The following GPC5 variants were observed in gnomAD, a reference collection of about 807,000 sequenced individuals.
The protein encoded by GPC5 is glypican 5.
A neutral mutation model predicts 53.9 loss-of-function variants in GPC5; 47 were observed. The observed-to-expected ratio is 0.87, with a 90% CI of 0.69 to 1.11. The LOEUF (loss-of-function observed/expected upper bound fraction) is 1.11, where lower values mean the gene tolerates loss of function less well. Ranked by LOEUF, GPC5 falls within the 50% of genes most tolerant of loss-of-function variation. The pLI, the probability that GPC5 is intolerant of heterozygous loss-of-function variation, is 0.00. For missense variants in GPC5, 748 were observed against 713.1 expected (o/e 1.05, Z -0.56); for synonymous variants, 286 against 263.3 (o/e 1.09, Z -0.84).
chr13:92,027,330 C>G (rs2040808753), intron 6 of GPC5, among the ~76,000 whole-genome samples: 1 of 152,062 alleles, frequency 6.6e-6, no homozygotes, highest in African/African-American at 2.4e-5. Context: ...TTGATAGGTT[C>G]TTGGAAACTG....
chr13:91,403,977 C>T (rs1386104017), intron 1 of GPC5, among the ~76,000 whole-genome samples: 7 of 152,126 alleles, frequency 4.6e-5, no homozygotes, highest in African/African-American at 1.7e-4. Flanking sequence ...TTCCATTTTG[C>T]CGAGTGTCCA....
chr13:92,056,811 T>G (rs754331092), intron 6 of GPC5, among the ~76,000 whole-genome samples: 64 of 152,206 alleles, frequency 4.2e-4, no homozygotes, highest in Non-Finnish European at 8.4e-4. Context: ...TGCTACATTA[T>G]TTTTCTGAAA....
intron 2 of GPC5, among the ~76,000 whole-genome samples, chr13:91,636,273 C>A (rs1162838892): frequency 6.6e-6 from 1 of 152,062 alleles, no homozygotes; most frequent in African/African-American, 2.4e-5. Context: ...CCTTTAGCAT[C>A]ATGACTGTGT....
In GPC5 at chr13:91,594,986, AT is replaced by A. The variant is rs1247846461; in HGVS notation, c.326-98198del. ...TGCCCAGGCTTATTTTTTTATTTAC[AT>A]TTATTTATTTATTTATTTATTTATT... On this transcript the variant is annotated intron_variant, in intron 2 of 7. Coordinates refer to ENST00000377067, the MANE Select transcript of GPC5 (RefSeq NM_004466.6). 0.014 allele frequency among the ~76,000 whole-genome samples: 27 copies of A among 1,940 alleles called. No homozygotes were observed. The South Asian group carries it at 0.28, about 20-fold the overall frequency. 1.3% of individuals were successfully genotyped at this position (1,940 alleles called of 152,430 possible).
chr13:92,581,530 G>A (rs375350664), intron 7 of GPC5, among the ~76,000 whole-genome samples: 54 of 152,212 alleles, frequency 3.5e-4, no homozygotes, highest in African/African-American at 1.2e-3. Flanking sequence ...CAATGAACAG[G>A]ACAGTGCAGA....
chr13:92,778,945 T>C (rs556502761), intron 7 of GPC5, among the ~76,000 whole-genome samples: 1 of 151,612 alleles, frequency 6.6e-6, no homozygotes, highest in Admixed American at 6.6e-5. Context: ...TTGTTGCTTG[T>C]GTATGAATAT....
chr13:92,138,904 C>T (rs1308909823), intron 6 of GPC5, among the ~76,000 whole-genome samples: 1 of 151,884 alleles, frequency 6.6e-6, no homozygotes, highest in Non-Finnish European at 1.5e-5. Flanking sequence ...ACAGTTCTGT[C>T]CCTGCTGCAG....
intron 7 of GPC5, among the ~76,000 whole-genome samples, chr13:92,361,094 C>T (rs1045130821): frequency 1.3e-5 from 2 of 151,676 alleles, no homozygotes; most frequent in Admixed American, 6.6e-5. Flanking sequence ...CAGCCATTGT[C>T]GCTGAATCTG....
At chr13:92,151,466 A>G (rs1258314583) in intron 7 of GPC5, among the ~76,000 whole-genome samples, 1 of 152,106 alleles carries the variant, frequency 6.6e-6, no homozygotes, top group Non-Finnish European at 1.5e-5. Context: ...ATTTTTTAAA[A>G]CACCGTATAT....
chr13:91,399,095 GC>G lies in GPC5; in HGVS notation c.52del (p.Leu18TrpfsTer79). On this transcript the variant is annotated frameshift_variant, in exon 1 of 8. Coordinates refer to ENST00000377067, the MANE Select transcript of GPC5 (RefSeq NM_004466.6). LOFTEE classifies it high-confidence loss of function. ...PVGFRCLLLL[A>X]LVGSARSEGV... is the part of the protein sequence containing the mutation. ...GGGCTTTCGCTGCCTCCTCCTTCTG[GC>G]CCTGGTTGGGTCCGCCCGCAGCGAG... 6.3e-7 allele frequency: 1 copy of G among 1,597,394 alleles called. No homozygotes were observed. Among genetic ancestry groups the G allele is most frequent in the Non-Finnish European group, 8.5e-7 (1 of 1,172,346 alleles).
intron 6 of GPC5, among the ~76,000 whole-genome samples, chr13:92,126,714 A>C (rs565589103): frequency 6.6e-6 from 1 of 152,286 alleles, no homozygotes; most frequent in East Asian, 1.9e-4. Flanking sequence ...TCTCCATCAT[A>C]AAATGGATTT....
chr13:91,576,604 C>T (rs566970148), intron 2 of GPC5, among the ~76,000 whole-genome samples: 17 of 152,232 alleles, frequency 1.1e-4, no homozygotes, highest in Admixed American at 4.6e-4. Flanking sequence ...GGTGTGTTAA[C>T]ACATGCAGAG....
intron 2 of GPC5, among the ~76,000 whole-genome samples, chr13:91,458,814 A>G (rs513816): frequency 0.78 from 118,934 of 152,074 alleles, 49,670 homozygotes; most frequent in Non-Finnish European, 0.93. Flanking sequence ...ATGTCCATCA[A>G]TCAATGAGAG....
At chr13:91,734,664 T>C (rs2036776031) in intron 4 of GPC5, among the ~76,000 whole-genome samples, 1 of 151,466 alleles carries the variant, frequency 6.6e-6, no homozygotes, top group African/African-American at 2.5e-5. Context: ...CAGCCTTCAG[T>C]CAAGGTGCTT....
chr13:92,527,239 AAG>A (rs1299811060), intron 7 of GPC5, among the ~76,000 whole-genome samples: 1 of 40,350 alleles, frequency 2.5e-5, no homozygotes, highest in African/African-American at 1.3e-4. Context: ...GAAAGAAAGA[AAG>A]AAAGAAAGAG....
At chr13:92,014,370 G>A (rs550288080) in intron 6 of GPC5, among the ~76,000 whole-genome samples, 68 of 152,238 alleles carry the variant, frequency 4.5e-4, no homozygotes, top group Middle Eastern at 3.4e-3. Flanking sequence ...TTTGGTGATC[G>A]TAATTCTTCA....
chr13:92,371,241 T>C (rs2043647935), intron 7 of GPC5, among the ~76,000 whole-genome samples: 9 of 152,234 alleles, frequency 5.9e-5, no homozygotes, highest in Admixed American at 5.9e-4. Flanking sequence ...GCATTTAGTA[T>C]GTTATTTCAT....
chr13:91,697,967 T>A (rs2035916625), intron 3 of GPC5, among the ~76,000 whole-genome samples: 1 of 151,398 alleles, frequency 6.6e-6, no homozygotes, highest in South Asian at 2.1e-4. Flanking sequence ...AATGGCGCGA[T>A]CTTGGCTCAC....
intron 6 of GPC5, among the ~76,000 whole-genome samples, chr13:91,917,679 C>G (rs66762101): frequency 0.054 from 8,249 of 152,294 alleles, 431 homozygotes; most frequent in East Asian, 0.25. Context: ...TTCCACAGAT[C>G]TCTAGGGCAG....
Sources: allele counts gnomAD v4.1 joint callset (sites outside exome capture counted in the v4.1 genomes callset), GRCh38; gene constraint gnomAD v4.1.1; transcripts MANE v1.5; gene names NCBI Gene and HGNC (gene_info 2026-07-23, HGNC 2026-07-21).